The following SPIRE1 variants were observed in gnomAD, a reference collection of about 807,000 sequenced individuals.
The protein encoded by SPIRE1 is protein spire homolog 1.
A neutral mutation model predicts 94.1 loss-of-function variants in SPIRE1; 40 were observed. The observed-to-expected ratio is 0.43, with a 90% CI of 0.33 to 0.55. The LOEUF (loss-of-function observed/expected upper bound fraction) is 0.55. Ranked by LOEUF, SPIRE1 falls within the 20% of genes least tolerant of loss-of-function variation. The pLI is 0.06. For synonymous variants in SPIRE1, 376 were observed against 371.7 expected (o/e 1.01, Z -0.13); for missense variants, 838 against 975.2 (o/e 0.86, Z 1.87).
intron 10 of SPIRE1, among the ~76,000 whole-genome samples, chr18:12,476,552 AAAAAAAAAAAAAAT>A (rs1257770256): frequency 5.1e-5 from 4 of 78,094 alleles, no homozygotes; most frequent in African/African-American, 3.5e-4. Context: ...AAAAAAAAAA[AAAAAAAAAAAAAAT>A]ATATATATAT....
At position 12,446,574 on chromosome 18, in the gene SPIRE1, T is replaced by C. The variant is rs952665399; in HGVS notation, c.*3064A>G. ...AAATAGAAGACTTTAATGGAAAACA[T>C]TTAGTACCATCATGTCACCCTGAAT... On this transcript the variant is annotated 3_prime_UTR_variant, in exon 17 of 17. Transcript: ENST00000409402. 6 of 152,312 alleles carry C rather than the reference T, an allele frequency of 3.9e-5. No homozygotes were observed. The highest frequency in any genetic ancestry group is 3.9e-4 in the Admixed American group (6 of 15,300). The allele number at this position is 152,312 out of a possible 1,614,324, so 9.4% of individuals were successfully genotyped here.
Position 12,615,345 on chromosome 18 carries a change from A to AAAAAAATAAAAAAATAT in SPIRE1, c.372+19716_372+19717insATATTTTTTTATTTTTT. Among the ~76,000 whole-genome samples, 13 of 17,236 alleles carry AAAAAAATAAAAAAATAT rather than the reference A, an allele frequency of 7.5e-4. 2 individuals carry two copies. The highest frequency in any genetic ancestry group is 1.9e-4 in the Non-Finnish European group (1 of 5,404). The allele number at this position is 17,236 out of a possible 152,430, so 11.3% of individuals were successfully genotyped here. ...TCTGTCTCAAAAAAAAAAAAAAAAA[A>AAAAAAATAAAAAAATAT]ATATATATATATATATATATATATA... On this transcript the variant is annotated intron_variant, in intron 2 of 16. Coordinates refer to ENST00000409402, the MANE Select transcript of SPIRE1 (RefSeq NM_001128626.2).
chr18:12,612,068 CCT>C (rs2037158755), intron 2 of SPIRE1, among the ~76,000 whole-genome samples: 1 of 152,102 alleles, frequency 6.6e-6, no homozygotes, highest in African/African-American at 2.4e-5. Context: ...TGATTTCTCT[CCT>C]CTCTTCTCTT....
intron 12 of SPIRE1, among the ~76,000 whole-genome samples, chr18:12,461,471 T>C (rs989549207): frequency 1.3e-5 from 2 of 151,020 alleles, no homozygotes; most frequent in Non-Finnish European, 2.9e-5. Context: ...TGTACATATG[T>C]ACGTACATAC....
intron 2 of SPIRE1, among the ~76,000 whole-genome samples, chr18:12,586,225 A>T (rs2094637834): frequency 6.6e-6 from 1 of 152,224 alleles, no homozygotes; most frequent in Non-Finnish European, 1.5e-5. Context: ...AAGTGCTGGG[A>T]TTACAGGCAT....
At chr18:12,658,140 C>A, upstream of SPIRE1, 1 of 942,100 alleles carries the variant, frequency 1.1e-6, no homozygotes, top group Non-Finnish European at 1.3e-6. Context: ...CGCCTCGCGC[C>A]GTCCAGCGCC....
At chr18:12,628,531 G>A (rs2037693383) in intron 2 of SPIRE1, among the ~76,000 whole-genome samples, 1 of 152,108 alleles carries the variant, frequency 6.6e-6, no homozygotes, top group South Asian at 2.1e-4. Flanking sequence ...TGGGAATGCG[G>A]GCTCTTTTTT....
chr18:12,619,621 G>T (rs9945339), intron 2 of SPIRE1, among the ~76,000 whole-genome samples: 58,979 of 151,848 alleles, frequency 0.39, 12,135 homozygotes, highest in East Asian at 0.6. Flanking sequence ...GGCCGAGGTG[G>T]GTGATCAGGA....
intron 2 of SPIRE1, among the ~76,000 whole-genome samples, chr18:12,588,196 A>G (rs997366168): frequency 1.3e-5 from 2 of 152,192 alleles, no homozygotes; most frequent in African/African-American, 4.8e-5. Context: ...GATATATCAC[A>G]TTTTATTCAT....
At chr18:12,550,692 A>G (rs915515083) in intron 2 of SPIRE1, among the ~76,000 whole-genome samples, 1 of 151,998 alleles carries the variant, frequency 6.6e-6, no homozygotes, top group African/African-American at 2.4e-5. Flanking sequence ...CCTTCCATTC[A>G]CTGTTTAATT....
intron 6 of SPIRE1, 120 bp downstream of exon 6, chr18:12,506,357 C>T: frequency 1.2e-6 from 1 of 828,600 alleles, no homozygotes; most frequent in Non-Finnish European, 2.0e-6. Context: ...CAGGGATTCA[C>T]CATGTTGGTC....
intron 1 of SPIRE1, among the ~76,000 whole-genome samples, chr18:12,649,526 A>C (rs981633808): frequency 6.6e-6 from 1 of 152,220 alleles, no homozygotes; most frequent in Non-Finnish European, 1.5e-5. Flanking sequence ...CTTAGCCAAC[A>C]AGAAGTAAAA....
At chr18:12,649,459 A>G (rs952226591) in intron 1 of SPIRE1, among the ~76,000 whole-genome samples, 2 of 152,130 alleles carry the variant, frequency 1.3e-5, no homozygotes, top group Admixed American at 6.5e-5. Context: ...TGGTAACTCA[A>G]TATTTCCTTC....
rs761806323 is a variant in SPIRE1 at position 12,449,654 on chromosome 18, G to A, written c.2255C>T (p.Thr752Met). The A allele has an allele frequency of 4.3e-6, 7 of 1,614,070 alleles. No individual in the cohort carries two copies. The South Asian group carries it at 5.5e-5, about 13-fold the overall frequency. Residue 752 changes from threonine (T) to methionine (M), a missense_variant, in exon 17 of 17, where the codon ACG becomes ATG. Coordinates refer to ENST00000409402, the MANE Select transcript of SPIRE1 (RefSeq NM_001128626.2). ...GPSEYCPSER[T>M]ISEI ...GCACGAGGCTCAGATCTCACTGATC[G>A]TCCTCTCTGAAGGGCAGTACTCCGA... is the stretch of plus-strand genomic sequence containing the variant.
intron 2 of SPIRE1, among the ~76,000 whole-genome samples, chr18:12,625,581 G>A (rs1262001320): frequency 1.3e-5 from 2 of 152,180 alleles, no homozygotes; most frequent in Non-Finnish European, 2.9e-5. Context: ...GATTTAATTA[G>A]TTTGGTATCA....
At chr18:12,520,990 G>A (rs1167693079) in intron 4 of SPIRE1, among the ~76,000 whole-genome samples, 1 of 152,142 alleles carries the variant, frequency 6.6e-6, no homozygotes, top group Non-Finnish European at 1.5e-5. Context: ...GGCGGATTTG[G>A]CTACTGGCTT....
rs529780599 is a variant in SPIRE1, at chr18:12,569,639, A to C, written c.373-22735T>G. Among the ~76,000 whole-genome samples the C allele has an allele frequency of 5.8e-4, 72 of 123,112 alleles. 1 individual carries two copies. In the South Asian group the frequency reaches 6.4e-3, roughly 11 times the overall value. 80.8% of individuals were successfully genotyped at this position (123,112 alleles called of 152,430 possible). ...AAATGTTTAAAAACAACAACAACAA[A>C]AAAAAAAAACAAGAGAAAAGACAGC... On this transcript the variant is annotated intron_variant, in intron 2 of 16. Coordinates refer to ENST00000409402, the MANE Select transcript of SPIRE1 (RefSeq NM_001128626.2).
intron 6 of SPIRE1, among the ~76,000 whole-genome samples, chr18:12,498,551 C>CA (rs1212203629): frequency 1.3e-5 from 2 of 152,092 alleles, no homozygotes; most frequent in South Asian, 2.1e-4. Flanking sequence ...CCCGGCCCAA[C>CA]AAAAAACTTC....
rs569442634 is a variant in SPIRE1, at chr18:12,514,305, C to A, written c.730-1774G>T. On this transcript the variant is annotated intron_variant, in intron 4 of 16. Transcript: ENST00000409402. ...CAACGGGGTCTATCTTGACCAAATT[C>A]CAAGCCCCATCCCCAGCTACTAGCA... Among the ~76,000 whole-genome samples, 7 of 152,304 alleles carry A rather than the reference C, an allele frequency of 4.6e-5. 1 individual carries two copies. Among genetic ancestry groups the A allele is most frequent in the African/African-American group, 1.7e-4 (7 of 41,568 alleles).
Sources: allele counts gnomAD v4.1 joint callset (sites outside exome capture counted in the v4.1 genomes callset), GRCh38; gene constraint gnomAD v4.1.1; transcripts MANE v1.5; gene names NCBI Gene and HGNC (gene_info 2026-07-23, HGNC 2026-07-21).